The following OSBPL9 variants were observed in gnomAD, a reference collection of about 807,000 sequenced individuals.
The protein encoded by OSBPL9 is oxysterol binding protein like 9.
A neutral mutation model predicts 106.6 loss-of-function variants in OSBPL9; 40 were observed. That is an observed-to-expected ratio of 0.38 (90% CI 0.29 to 0.49). The LOEUF (loss-of-function observed/expected upper bound fraction) is 0.49, where lower values mean the gene tolerates loss of function less well. Among genes scored for constraint, OSBPL9 ranks in the 20% least tolerant of loss-of-function variants. OSBPL9 has a pLI of 0.97. For missense variants in OSBPL9, 609 were observed against 887.2 expected (o/e 0.69, Z 3.98); for synonymous variants, 269 against 295.4 (o/e 0.91, Z 0.92).
intron 1 of OSBPL9, among the ~76,000 whole-genome samples, chr1:51,577,838 TGTAA>T (rs1268234053): frequency 6.6e-6 from 1 of 152,122 alleles, no homozygotes; most frequent in East Asian, 1.9e-4. Context: ...AAAGCCCAGT[TGTAA>T]GTAAGTGGGT....
chr1:51,730,229 G>C, intron 4 of OSBPL9: 1 of 1,111,998 alleles, frequency 9.0e-7, no homozygotes, highest in Non-Finnish European at 1.1e-6. Flanking sequence ...GTTCCACCGA[G>C]AGGGCATTCG....
chr1:51,739,777 G>C (rs1455093015), intron 4 of OSBPL9, among the ~76,000 whole-genome samples: 1 of 151,946 alleles, frequency 6.6e-6, no homozygotes, highest in African/African-American at 2.4e-5. Context: ...GGACAGTAGG[G>C]ATTGTAAATG....
At chr1:51,604,480 C>T (rs1271992062) in intron 2 of OSBPL9, among the ~76,000 whole-genome samples, 2 of 151,390 alleles carry the variant, frequency 1.3e-5, no homozygotes, top group African/African-American at 2.4e-5. Flanking sequence ...CACTTGAACC[C>T]GGGAGGCGGA....
intron 20 of OSBPL9, chr1:51,785,502 C>G (rs1283992583): frequency 3.1e-6 from 1 of 319,750 alleles, no homozygotes; most frequent in Non-Finnish European, 5.7e-6. Context: ...GTGGTTACGT[C>G]TCTCTCCACT....
At position 51,729,811 on chromosome 1, in the gene OSBPL9, G is replaced by A; in HGVS notation, c.319-15725G>A. 4.1e-6 allele frequency: 5 copies of A among 1,230,682 alleles called. No individual in the cohort carries two copies. The highest frequency in any genetic ancestry group is 5.1e-6 in the Non-Finnish European group (5 of 983,784). 76.2% of individuals were successfully genotyped at this position (1,230,682 alleles called of 1,614,324 possible). A position where few individuals can be genotyped will look rare whatever the true frequency, so the allele number is the denominator to read the frequency against. ...GGGGAGGGGACGGGAAAGGGGTGGG[G>A]GGTGAAGGGGGTGAAGGGGGTGTCC... On this transcript the variant is annotated intron_variant, in intron 4 of 23. Coordinates refer to ENST00000428468, the MANE Select transcript of OSBPL9 (RefSeq NM_024586.6). This position sits in a 1 kb window ranked among gnomAD's most constrained non-coding sequence, Gnocchi z 5.1.
chr1:51,519,985 C>T, the OSBPL9 span, among the ~76,000 whole-genome samples: 1 of 152,366 alleles, frequency 6.6e-6, no homozygotes, highest in Non-Finnish European at 1.5e-5. Context: ...CTCCTAGCTT[C>T]TCCCATCATC....
At chr1:51,621,768 G>C (rs879641323) in intron 1 of OSBPL9, among the ~76,000 whole-genome samples, 2 of 152,038 alleles carry the variant, frequency 1.3e-5, no homozygotes, top group African/African-American at 4.8e-5. Flanking sequence ...TAAGACACCA[G>C]GTCATTTACT....
At chr1:51,697,598 G>T (rs1314805651) in intron 3 of OSBPL9, among the ~76,000 whole-genome samples, 1 of 151,468 alleles carries the variant, frequency 6.6e-6, no homozygotes, top group East Asian at 1.9e-4. Flanking sequence ...CTAAGCAGTG[G>T]ATCAGGAATG....
intron 1 of OSBPL9, among the ~76,000 whole-genome samples, chr1:51,629,301 A>G (rs1275069297): frequency 6.6e-6 from 1 of 152,210 alleles, no homozygotes; most frequent in African/African-American, 2.4e-5. Context: ...AAGTTCCATT[A>G]GAACAGAGAC....
At chr1:51,656,706 C>T (rs1432167580) in intron 2 of OSBPL9, among the ~76,000 whole-genome samples, 1 of 151,058 alleles carries the variant, frequency 6.6e-6, no homozygotes, top group Non-Finnish European at 1.5e-5. Flanking sequence ...TTTACCCAGG[C>T]TGGAGTGCAA....
At chr1:51,778,508 TAAGAC>T (rs1675575122) in intron 15 of OSBPL9, among the ~76,000 whole-genome samples, 1 of 152,206 alleles carries the variant, frequency 6.6e-6, no homozygotes, top group Admixed American at 6.5e-5. Flanking sequence ...AGGAGACTTT[TAAGAC>T]AAGAAATATT....
intron 3 of OSBPL9, among the ~76,000 whole-genome samples, chr1:51,702,495 G>GT (rs1026789829): frequency 1.3e-5 from 2 of 152,106 alleles, no homozygotes; most frequent in African/African-American, 4.8e-5. Context: ...TGATGGGGTT[G>GT]TTTTTTTCTT....
In OSBPL9 at chr1:51,651,996, G is replaced by A. The variant is rs748465137; in HGVS notation, c.117G>A (p.Lys39=). ...NAGLLSYYTS[K]DKMMRGSRRG... ...ATGCTTTGTTTTTCTTTTAGTCCAA[G>A]GACAAAATGATGAGAGGCTCTCGCA... Residue 39 remains lysine (K), a synonymous_variant, in exon 2 of 24, where the codon AAG becomes AAA. Transcript: ENST00000428468. 4 of 1,607,326 alleles carry A rather than the reference G, an allele frequency of 2.5e-6. No homozygotes were observed. The African/African-American group carries it at 5.4e-5, about 22-fold the overall frequency.
At chr1:51,725,527 A>C (rs1328959196) in intron 4 of OSBPL9, among the ~76,000 whole-genome samples, 3 of 152,142 alleles carry the variant, frequency 2.0e-5, no homozygotes, top group Non-Finnish European at 2.9e-5. Flanking sequence ...GCATTAGGTA[A>C]CAGAAACTGC....
chr1:51,639,546 C>A (rs1344060329), intron 1 of OSBPL9, among the ~76,000 whole-genome samples: 1 of 152,036 alleles, frequency 6.6e-6, no homozygotes, highest in Non-Finnish European at 1.5e-5. Context: ...AAGGATGAGT[C>A]AGAAACTACC....
the OSBPL9 span, among the ~76,000 whole-genome samples, chr1:51,560,552 G>A: frequency 6.6e-6 from 1 of 152,178 alleles, no homozygotes; most frequent in African/African-American, 2.4e-5. Context: ...GTAGATTATA[G>A]TTTCTAACAG....
At chr1:51,525,838 C>T in the OSBPL9 span, among the ~76,000 whole-genome samples, 1 of 152,310 alleles carries the variant, frequency 6.6e-6, no homozygotes, top group South Asian at 2.1e-4. Flanking sequence ...TAGCTTTGAA[C>T]TCCTGGGCTT....
the OSBPL9 span, among the ~76,000 whole-genome samples, chr1:51,547,453 T>A: frequency 6.6e-6 from 1 of 152,074 alleles, no homozygotes; most frequent in African/African-American, 2.4e-5. Flanking sequence ...AAACAAAAAT[T>A]CACTTTTTAT....
At chr1:51,659,721 G>T (rs1191697917) in intron 2 of OSBPL9, among the ~76,000 whole-genome samples, 1 of 151,964 alleles carries the variant, frequency 6.6e-6, no homozygotes, top group Non-Finnish European at 1.5e-5. Flanking sequence ...ATGAAAAATT[G>T]TCAGGAAGCT....
Sources: gnomAD v4.1 joint callset for allele counts (sites outside exome capture counted in the v4.1 genomes callset) on GRCh38, gnomAD v4.1.1 for gene constraint, Gnocchi (gnomAD v3.1) non-coding constraint, MANE v1.5 for transcripts, NCBI Gene and HGNC (gene_info 2026-07-23, HGNC 2026-07-21) for gene names.